Variants in OTOF observed in about 807,000 individuals in gnomAD.
OTOF encodes the protein fer-1-like family member 2.
OTOF carries 218 observed loss-of-function variants against 236.8 expected under a neutral mutation model. The ratio of observed to expected loss-of-function variants is 0.92; its 90% CI spans 0.82 to 1.03. OTOF has a LOEUF of 1.03. Ranked by LOEUF, OTOF falls within the 50% of genes least tolerant of loss-of-function variation. The pLI is 0.00. For missense variants in OTOF, 2,590 were observed against 2,694.4 expected (o/e 0.96, Z 0.86); for synonymous variants, 1,041 against 1,072.5 (o/e 0.97, Z 0.57).
chr2:26,537,108 C>T (rs1276067802), intron 2 of OTOF, among the ~76,000 whole-genome samples: 1 of 152,212 alleles, frequency 6.6e-6, no homozygotes. Flanking sequence ...TGAGAAAAAT[C>T]GTTGTCAATA....
At chr2:26,540,045 T>C (rs1667173497) in intron 1 of OTOF, among the ~76,000 whole-genome samples, 1 of 152,174 alleles carries the variant, frequency 6.6e-6, no homozygotes, top group Non-Finnish European at 1.5e-5. Flanking sequence ...ATGATTCTCG[T>C]GCCTCAGCCT....
At position 26,467,446 on chromosome 2, in the gene OTOF, C is replaced by T; in HGVS notation, c.4146G>A (p.Lys1382=). The T allele has an allele frequency of 6.2e-7, 1 of 1,614,120 alleles. No homozygotes were observed. Among genetic ancestry groups the T allele is most frequent in the Non-Finnish European group, 8.5e-7 (1 of 1,180,020 alleles). Residue 1382 remains lysine, a synonymous_variant, in exon 34 of 47, where the codon AAG becomes AAA. Transcript: ENST00000272371. ...KEKARAAKEE[K]KKKTQSSGSG... ...AGCCAGAGCTCTGAGTTTTCTTCTTCTTCTCCTCTTTGGCAGCCCTTGCCT... is the reference window on the plus strand; with the variant it reads ...AGCCAGAGCTCTGAGTTTTCTTCTTTTTCTCCTCTTTGGCAGCCCTTGCCT...
intron 5 of OTOF, chr2:26,510,625 C>T: frequency 2.1e-6 from 2 of 950,262 alleles, no homozygotes; most frequent in East Asian, 1.2e-4. Flanking sequence ...CGAGCCCATC[C>T]CGCCCTCCAC....
chr2:26,459,868 A>G (rs1343896435), intron 46 of OTOF, 140 bp downstream of exon 46: 4 of 806,050 alleles, frequency 5.0e-6, no homozygotes, highest in Non-Finnish European at 8.0e-6. Context: ...TGTGCGTGGC[A>G]CATGTGTGCA....
Position 26,489,251 on chromosome 2 carries a change from G to A in OTOF, c.1005C>T (p.Gly335=), listed in dbSNP as rs1156648103. ...KNLLRSGTLV[G]SFKMDVGTVY... Reference sequence around the variant, plus strand: ...CGGTTCCCACGTCCATTTTGAAGGAGCCCACCAGGGTGCCACTGCGCAGCA... The same window carrying A: ...CGGTTCCCACGTCCATTTTGAAGGAACCCACCAGGGTGCCACTGCGCAGCA... The change falls in exon 11 of 47, where the codon GGC becomes GGT. Residue 335 remains glycine (G), a synonymous_variant. Transcript: ENST00000272371. 5 of 1,613,090 alleles carry A rather than the reference G, an allele frequency of 3.1e-6. No individual in the cohort carries two copies. Among genetic ancestry groups the A allele is most frequent in the Non-Finnish European group, 4.2e-6 (5 of 1,179,794 alleles).
intron 9 of OTOF, among the ~76,000 whole-genome samples, chr2:26,493,123 T>A (rs1665888908): frequency 6.6e-6 from 1 of 152,090 alleles, no homozygotes. Flanking sequence ...AGGCCAGAGA[T>A]GTCAATCCTG....
chr2:26,475,929 CTGAT>C lies in OTOF; in HGVS notation c.2972_2975del (p.Asn991ArgfsTer8). ...AGGCCCTCACCTCTGTGCACTGACT[CTGAT>C]TGATGAAGAAGACGCGGGCAAAGGG... On this transcript the variant is annotated frameshift_variant, in exon 24 of 47. Coordinates refer to ENST00000272371, the MANE Select transcript of OTOF (RefSeq NM_194248.3). LOFTEE classifies it high-confidence loss of function. 6.2e-7 allele frequency: 1 copy of C among 1,609,428 alleles called. No individual in the cohort carries two copies. The highest frequency in any genetic ancestry group is 2.2e-5 in the East Asian group (1 of 44,788).
At chr2:26,482,789 G>T (rs1265249692) in intron 13 of OTOF, among the ~76,000 whole-genome samples, 197 bp from the exon 14 acceptor site, 1 of 151,486 alleles carries the variant, frequency 6.6e-6, no homozygotes, top group Non-Finnish European at 1.5e-5. Context: ...GTGCGTGTGT[G>T]AGTGGATGCA....
chr2:26,471,161 A>T lies in OTOF; in HGVS notation c.3865-11T>A. The T allele has an allele frequency of 1.9e-6, 3 of 1,614,048 alleles. No homozygotes were observed. Among genetic ancestry groups the T allele is most frequent in the Non-Finnish European group, 2.5e-6 (3 of 1,179,972 alleles). On this transcript the variant is annotated splice_polypyrimidine_tract_variant and intron_variant, in intron 30 of 46. Transcript: ENST00000272371. ...AACAGCTTCAGAAGTCTGCAGAGGA[A>T]CCAAGGAGACAGGGGCAGAATCAGC...
Position 26,467,082 on chromosome 2 carries a change from C to G in OTOF, c.4362+17G>C. 6.2e-7 allele frequency: 1 copy of G among 1,611,546 alleles called. No homozygotes were observed. Among genetic ancestry groups the G allele is most frequent in the Non-Finnish European group, 8.5e-7 (1 of 1,179,808 alleles). ...GGCTGGCGGGTGCTCAGGCTGGGCC[C>G]GTGCTCCTGGCCTGACCTTGAAGCG... On this transcript the variant is annotated intron_variant, in intron 35 of 46. Transcript: ENST00000272371.
At chr2:26,501,120 G>A (rs1209908908) in intron 8 of OTOF, among the ~76,000 whole-genome samples, 1 of 152,214 alleles carries the variant, frequency 6.6e-6, no homozygotes, top group Non-Finnish European at 1.5e-5. Flanking sequence ...GAGAGATGGT[G>A]TCCCAGCAGC....
At chr2:26,474,781 A>G in intron 25 of OTOF, 107 bp from the exon 26 acceptor site, 1 of 1,262,636 alleles carries the variant, frequency 7.9e-7, no homozygotes, top group South Asian at 1.2e-5. Flanking sequence ...GACAGGTGTG[A>G]TCACCCCATT....
chr2:26,556,639 C>G (rs1667592502), intron 1 of OTOF, among the ~76,000 whole-genome samples: 1 of 152,132 alleles, frequency 6.6e-6, no homozygotes, highest in South Asian at 2.1e-4. Flanking sequence ...AGACAAGGTG[C>G]TGGCCCCCAG....
chr2:26,540,924 G>A lies in OTOF; in HGVS notation c.80-3150C>T, dbSNP rs549311299. On this transcript the variant is annotated intron_variant, in intron 1 of 46. Transcript: ENST00000272371. ...AGAAATATCTCAACAACAAGCCCCC[G>A]GGCAATCAAGGGAGGAGAGGGAAAG... is the stretch of plus-strand genomic sequence containing the variant. 5.9e-5 allele frequency among the ~76,000 whole-genome samples: 9 copies of A among 152,290 alleles called. 1 individual carries two copies. In the South Asian group the frequency reaches 1.2e-3, roughly 21 times the overall value.
At chr2:26,532,092 C>CAAAAAAAAAAAAAAAAAAAAAAAAAAA (rs150580671) in intron 2 of OTOF, among the ~76,000 whole-genome samples, 1 of 80,218 alleles carries the variant, frequency 1.2e-5, no homozygotes, top group African/African-American at 6.3e-5. Context: ...GACTCCACCT[C>CAAAAAAAAAAAAAAAAAAAAAAAAAAA]AAAAAAAAAA....
intron 11 of OTOF, 33 bp downstream of exon 11, chr2:26,489,178 A>C: frequency 1.3e-6 from 2 of 1,523,404 alleles, no homozygotes; most frequent in Non-Finnish European, 1.8e-6. Context: ...AGCCATGCAC[A>C]CCTCGACTGA....
At chr2:26,483,700 C>T (rs1665627061) in intron 12 of OTOF, 52 bp from the exon 13 acceptor site, 7 of 1,540,304 alleles carry the variant, frequency 4.5e-6, no homozygotes, top group Non-Finnish European at 1.8e-6. Context: ...GTCCCCAACC[C>T]CCATCCTGGC....
chr2:26,518,364 A>G (rs1666587146), intron 4 of OTOF, among the ~76,000 whole-genome samples: 1 of 152,246 alleles, frequency 6.6e-6, no homozygotes, highest in South Asian at 2.1e-4. Context: ...CCTAAGTCAC[A>G]CAGTTAGTGA....
At position 26,482,505 on chromosome 2, in the gene OTOF, GT is replaced by G; in HGVS notation, c.1479del (p.Lys493AsnfsTer3). The part of the protein sequence containing the change: ...VFTDLFPPLC[K>X]RMKVQIRDSD... ...GAGTCTCGGATCTGCACCTTCATGC[GT>G]TTGCAGAGTGGGGGGAAGAGGTCTG... On this transcript the variant is annotated frameshift_variant, in exon 14 of 47. Coordinates refer to ENST00000272371, the MANE Select transcript of OTOF (RefSeq NM_194248.3). LOFTEE classifies it high-confidence loss of function. 6.2e-7 allele frequency: 1 copy of G among 1,613,306 alleles called. No individual in the cohort carries two copies. The highest frequency in any genetic ancestry group is 8.5e-7 in the Non-Finnish European group (1 of 1,179,906).
Sources: allele counts gnomAD v4.1 joint callset (sites outside exome capture counted in the v4.1 genomes callset), GRCh38; gene constraint gnomAD v4.1.1; transcripts MANE v1.5; gene names NCBI Gene and HGNC (gene_info 2026-07-23, HGNC 2026-07-21).